VSTM4: variants seen among roughly 807,000 people sequenced by gnomAD.
The protein encoded by VSTM4 is V-set and transmembrane domain-containing protein 4.
A neutral mutation model predicts 36.4 loss-of-function variants in VSTM4; 20 were observed. The observed-to-expected ratio is 0.55, with a 90% CI of 0.39 to 0.80. The LOEUF (loss-of-function observed/expected upper bound fraction) is 0.80. Among genes scored for constraint, VSTM4 ranks in the 30% least tolerant of loss-of-function variants. The pLI is 0.00. For synonymous variants in VSTM4, 182 were observed against 173.9 expected, an observed-to-expected ratio of 1.05 and a Z score of -0.37; for missense variants, 392 against 404.5, an observed-to-expected ratio of 0.97 and a Z score of 0.26.
chr10:49,114,730 C>T lies in VSTM4; in HGVS notation c.55+701G>A, dbSNP rs57040525. ...ATTATTACTATTATTCCAGCCAGTA[C>T]GGCCCCTGCTGCCCTGAGGCAGCCA... is the stretch of plus-strand genomic sequence containing the variant. On this transcript the variant is annotated intron_variant, in intron 1 of 7. Transcript: ENST00000332853. 0.014 allele frequency among the ~76,000 whole-genome samples: 2,177 copies of T among 150,318 alleles called. 99 individuals are homozygous for T. The East Asian group carries it at 0.18, about 12-fold the overall frequency.
intron 2 of VSTM4, among the ~76,000 whole-genome samples, chr10:49,096,843 C>T (rs925562959): frequency 6.6e-5 from 10 of 151,934 alleles, no homozygotes; most frequent in East Asian, 1.9e-4. Flanking sequence ...TTAGTAGACA[C>T]GGGGTTTCAC....
In VSTM4 at chr10:49,047,001, T is replaced by C. The variant is rs2131958479; in HGVS notation, c.819A>G (p.Pro273=). 1 of 1,614,172 alleles carries C rather than the reference T, an allele frequency of 6.2e-7. No homozygotes were observed. Among genetic ancestry groups the C allele is most frequent in the African/African-American group, 1.3e-5 (1 of 75,036 alleles). The change falls in exon 7 of 8, where the codon CCA becomes CCG. Residue 273 remains proline, a synonymous_variant. Coordinates refer to ENST00000332853, the MANE Select transcript of VSTM4 (RefSeq NM_001031746.5). The part of the protein sequence containing the change: ...PTFHKPKLLK[P]QRKVTLPKIA... ...TACTTACCAGCGTGACTTTTCTCTG[T>C]GGTTTCAGCAGCTTCGGTTTATGGA...
chr10:49,064,587 G>C, intron 5 of VSTM4, 116 bp downstream of exon 5: 9 of 1,205,318 alleles, frequency 7.5e-6, no homozygotes, highest in African/African-American at 1.5e-5. Flanking sequence ...GCATATTTGT[G>C]GACAAATATG....
intron 3 of VSTM4, among the ~76,000 whole-genome samples, chr10:49,079,690 AT>A (rs1844243279): frequency 6.6e-6 from 1 of 152,194 alleles, no homozygotes; most frequent in Non-Finnish European, 1.5e-5. Flanking sequence ...CGTGTGTCCA[AT>A]ACCAGGAACA....
chr10:49,023,205 A>G (rs866546302), intron 7 of VSTM4, among the ~76,000 whole-genome samples: 1 of 152,236 alleles, frequency 6.6e-6, no homozygotes, highest in African/African-American at 2.4e-5. Context: ...AGAACTGTGA[A>G]GTGTATAGTT....
At chr10:49,025,387 G>A (rs138478301) in intron 7 of VSTM4, among the ~76,000 whole-genome samples, 81 of 152,140 alleles carry the variant, frequency 5.3e-4, no homozygotes, top group African/African-American at 1.3e-3. Context: ...CACCCTCCCC[G>A]AGACAAGGCA....
chr10:49,092,121 A>T (rs1844485951), intron 2 of VSTM4, among the ~76,000 whole-genome samples: 1 of 152,170 alleles, frequency 6.6e-6, no homozygotes, highest in South Asian at 2.1e-4. Context: ...TGTCCTTAGC[A>T]GGTGCTGCCT....
At chr10:49,027,678 T>C (rs1590068303) in intron 7 of VSTM4, among the ~76,000 whole-genome samples, 1 of 152,222 alleles carries the variant, frequency 6.6e-6, no homozygotes, top group Non-Finnish European at 1.5e-5. Context: ...GAAAAGGTGA[T>C]GTACAAAGAA....
intron 2 of VSTM4, among the ~76,000 whole-genome samples, chr10:49,104,703 G>A (rs901185184): frequency 6.6e-6 from 1 of 152,220 alleles, no homozygotes; most frequent in African/African-American, 2.4e-5. Flanking sequence ...CCGCTGAGAG[G>A]GTAGAACCAC....
chr10:49,029,143 A>T (rs2466752), intron 7 of VSTM4, among the ~76,000 whole-genome samples: 102,467 of 152,046 alleles, frequency 0.67, 36,445 homozygotes, highest in Non-Finnish European at 0.8. Flanking sequence ...ATAGTACCCA[A>T]CTCAGGAGAG....
chr10:49,104,861 GGAGA>G (rs1844737932), intron 2 of VSTM4, among the ~76,000 whole-genome samples: 3 of 135,952 alleles, frequency 2.2e-5, no homozygotes, highest in Admixed American at 7.3e-5. Flanking sequence ...AGACACACAC[GGAGA>G]GAGAAAGAGA....
At chr10:49,046,226 C>A (rs1164233537) in intron 7 of VSTM4, among the ~76,000 whole-genome samples, 3 of 152,148 alleles carry the variant, frequency 2.0e-5, no homozygotes, top group African/African-American at 4.8e-5. Flanking sequence ...TAATACACCC[C>A]ATTTCTAATG....
chr10:49,084,930 T>A (rs1844343729), intron 3 of VSTM4, among the ~76,000 whole-genome samples: 1 of 152,266 alleles, frequency 6.6e-6, no homozygotes, highest in African/African-American at 2.4e-5. Flanking sequence ...AGGATTGGCA[T>A]CATCCTTGGC....
chr10:49,105,328 ACG>A (rs1491480462), intron 2 of VSTM4, among the ~76,000 whole-genome samples: 1 of 47,576 alleles, frequency 2.1e-5, no homozygotes, highest in African/African-American at 1.7e-4. Flanking sequence ...AGAGAGAGAG[ACG>A]GGGGGGGGAG....
chr10:49,071,212 G>C (rs1002598808), intron 4 of VSTM4, among the ~76,000 whole-genome samples: 1 of 152,216 alleles, frequency 6.6e-6, no homozygotes, highest in East Asian at 1.9e-4. Context: ...TATCTAGTTC[G>C]AGTTTGTGCC....
At chr10:49,054,751 T>A (rs1843749898) in intron 5 of VSTM4, among the ~76,000 whole-genome samples, 1 of 152,214 alleles carries the variant, frequency 6.6e-6, no homozygotes. Flanking sequence ...TCAAAGCAAC[T>A]TGTGCTGAAC....
Position 49,085,957 on chromosome 10 carries a change from T to A in VSTM4, c.524A>T (p.Glu175Val). Residue 175 changes from glutamate to valine, a missense_variant and splice_region_variant, in exon 3 of 8, where the codon GAA becomes GTA. Transcript: ENST00000332853. ...EKTKETWAFF[E>V]DLYVYAVLVC... Reference sequence around the variant, plus strand: ...AAAAAGAAATATACAAGCTTTACCTTCAAAAAATGCCCAAGTCTCTTTTGT... The same window carrying A: ...AAAAAGAAATATACAAGCTTTACCTACAAAAAATGCCCAAGTCTCTTTTGT... 6.3e-7 allele frequency: 1 copy of A among 1,583,968 alleles called. No homozygotes were observed. The highest frequency in any genetic ancestry group is 8.6e-7 in the Non-Finnish European group (1 of 1,166,318).
chr10:49,112,526 A>G (rs1052393804), intron 1 of VSTM4, among the ~76,000 whole-genome samples: 6 of 152,242 alleles, frequency 3.9e-5, no homozygotes, highest in African/African-American at 1.4e-4. Flanking sequence ...ATAGGCTCCA[A>G]TGCAAAAGCA....
At chr10:49,078,626 G>A (rs1312046508) in intron 3 of VSTM4, among the ~76,000 whole-genome samples, 1 of 152,146 alleles carries the variant, frequency 6.6e-6, no homozygotes, top group Non-Finnish European at 1.5e-5. Context: ...GAACAGATGA[G>A]TGGTTGCCAG....
Sources: allele counts gnomAD v4.1 joint callset (sites outside exome capture counted in the v4.1 genomes callset), GRCh38; gene constraint gnomAD v4.1.1; transcripts MANE v1.5; gene names NCBI Gene and HGNC (gene_info 2026-07-23, HGNC 2026-07-21).